WDR4: variants seen among roughly 807,000 people sequenced by gnomAD.
The protein encoded by WDR4 is WDR4 tRNA N7-guanosine methyltransferase non-catalytic subunit.
WDR4 carries 47 observed loss-of-function variants against 48.6 expected under a neutral mutation model. The ratio of observed to expected loss-of-function variants is 0.97; its 90% CI spans 0.77 to 1.23. The LOEUF (loss-of-function observed/expected upper bound fraction) is 1.23. Among genes scored for constraint, WDR4 ranks in the 50% most tolerant of loss-of-function variants. WDR4 has a pLI of 0.00. For synonymous variants in WDR4, 268 were observed against 230.0 expected, an observed-to-expected ratio of 1.17 and a Z score of -1.49; for missense variants, 606 against 551.6, an observed-to-expected ratio of 1.10 and a Z score of -0.99.
Position 42,853,703 on chromosome 21 carries a change from C to A in WDR4, c.841G>T (p.Val281Leu), listed in dbSNP as rs139963742. Residue 281 changes from valine (V) to leucine (L), a missense_variant, in exon 9 of 11, where the codon GTG (valine) becomes TTG (leucine). Transcript: ENST00000398208. Reference sequence around the variant, plus strand: ...TGGAACGCCAGCTGCTGCCTGTACACCAACTGCTGTCTGCGGGCGTCCAGC... The same window carrying A: ...TGGAACGCCAGCTGCTGCCTGTACAACAACTGCTGTCTGCGGGCGTCCAGC... ...FQLDARRQQLVYRQQLAFQHQ... is the reference protein window; with the variant it reads ...FQLDARRQQLLYRQQLAFQHQ... 41 of 1,573,696 alleles carry A rather than the reference C, an allele frequency of 2.6e-5. No homozygotes were observed. In the African/African-American group the frequency reaches 5.1e-4, roughly 20 times the overall value.
At chr21:42,888,413 G>C in the WDR4 span, among the ~76,000 whole-genome samples, 1 of 152,032 alleles carries the variant, frequency 6.6e-6, no homozygotes, top group African/African-American at 2.4e-5. Context: ...ACAAAAATTA[G>C]CCAGGTGTGG....
chr21:42,851,370 G>A (rs1453453812), intron 10 of WDR4, among the ~76,000 whole-genome samples: 2 of 152,224 alleles, frequency 1.3e-5, no homozygotes, highest in Non-Finnish European at 2.9e-5. Flanking sequence ...AAGCCTCAGA[G>A]GCAGAGCCAG....
intron 6 of WDR4, among the ~76,000 whole-genome samples, chr21:42,857,247 C>A (rs1008340055): frequency 3.9e-5 from 6 of 152,226 alleles, no homozygotes; most frequent in African/African-American, 1.4e-4. Flanking sequence ...AGTCACCTAG[C>A]CCCTTCGCAC....
chr21:42,879,274 G>A (rs1480299597), intron 1 of WDR4, 133 bp downstream of exon 1: 5 of 1,396,224 alleles, frequency 3.6e-6, no homozygotes, highest in South Asian at 3.1e-5. Flanking sequence ...CGGAGGACTC[G>A]TGGGCTGGAG....
intron 2 of WDR4, among the ~76,000 whole-genome samples, chr21:42,876,059 A>G (rs71320568): frequency 0.16 from 24,235 of 150,752 alleles, 2,352 homozygotes; most frequent in Non-Finnish European, 0.21. Flanking sequence ...AGCTGGGACT[A>G]CAGGCGCCCA....
At chr21:42,858,792 C>G (rs2058051462) in intron 6 of WDR4, among the ~76,000 whole-genome samples, 1 of 152,150 alleles carries the variant, frequency 6.6e-6, no homozygotes, top group African/African-American at 2.4e-5. Flanking sequence ...ATTTGAAGAG[C>G]AGGAACAGGA....
intron 1 of WDR4, among the ~76,000 whole-genome samples, chr21:42,877,889 T>A (rs959597277): frequency 6.6e-6 from 1 of 151,550 alleles, no homozygotes; most frequent in African/African-American, 2.4e-5. Flanking sequence ...ACTAAAAATA[T>A]AAAAAATTAG....
rs2058499908 is a variant in WDR4 at position 42,876,707 on chromosome 21, A to G, written c.150T>C (p.Asn50=). The change falls in exon 2 of 11, where the codon AAT becomes AAC. Residue 50 remains asparagine, a synonymous_variant. Coordinates refer to ENST00000398208, the MANE Select transcript of WDR4 (RefSeq NM_018669.6). ...CSAAEKKSQE[N]KGEDAPLDQG... ...AAAGCTTCCCCACATCTCACCCTTT[A>G]TTTTCTTGTGACTTCTTTTCTGCAG... is the stretch of plus-strand genomic sequence containing the variant. The G allele has an allele frequency of 1.2e-6, 2 of 1,613,292 alleles. No individual in the cohort carries two copies. Among genetic ancestry groups the G allele is most frequent in the Non-Finnish European group, 1.7e-6 (2 of 1,179,744 alleles).
upstream of WDR4, among the ~76,000 whole-genome samples, chr21:42,883,010 A>G (rs2058618158): frequency 6.6e-6 from 1 of 151,332 alleles, no homozygotes; most frequent in East Asian, 1.9e-4. Flanking sequence ...GAGGCAGGAC[A>G]ACCGCTTGAA....
Position 42,850,183 on chromosome 21 carries a change from T to C in WDR4, c.1105A>G (p.Thr369Ala). Residue 369 changes from threonine to alanine, a missense_variant, in exon 11 of 11, where the codon ACC becomes GCC. By Grantham distance (58) the Thr-to-Ala change is moderately conservative. Coordinates refer to ENST00000398208, the MANE Select transcript of WDR4 (RefSeq NM_018669.6). ...TCCTCTTTCTTCTTCAGGTAGGAGG[T>C]CACGTTGTCGAACGTGGCCTTGTAG... is the stretch of plus-strand genomic sequence containing the variant. ...SLYKATFDNV[T>A]SYLKKKEERL... 1 of 1,613,864 alleles carries C rather than the reference T, an allele frequency of 6.2e-7. No homozygotes were observed. Among genetic ancestry groups the C allele is most frequent in the Non-Finnish European group, 8.5e-7 (1 of 1,179,914 alleles).
chr21:42,875,069 T>A (rs1320763736), intron 2 of WDR4, among the ~76,000 whole-genome samples: 1 of 152,114 alleles, frequency 6.6e-6, no homozygotes, highest in African/African-American at 2.4e-5. Flanking sequence ...TCCCTTTATT[T>A]CTCAAACCGG....
intron 8 of WDR4, 128 bp from the exon 9 acceptor site, chr21:42,853,880 G>C (rs1322594257): frequency 1.9e-6 from 2 of 1,028,948 alleles, no homozygotes; most frequent in South Asian, 1.6e-5. Flanking sequence ...GAAAGCCCCA[G>C]CTGCGCCACT....
the WDR4 span, among the ~76,000 whole-genome samples, chr21:42,886,106 G>A: frequency 6.6e-6 from 1 of 152,054 alleles, no homozygotes; most frequent in Non-Finnish European, 1.5e-5. Context: ...ACAGGCATGT[G>A]CCACCAAGCC....
At chr21:42,888,996 G>A in the WDR4 span, among the ~76,000 whole-genome samples, 1 of 150,878 alleles carries the variant, frequency 6.6e-6, no homozygotes, top group African/African-American at 2.4e-5. Context: ...GAGCCACTAT[G>A]CCCAGCCTCT....
At chr21:42,857,896 G>C (rs560857224) in intron 6 of WDR4, among the ~76,000 whole-genome samples, 1 of 152,252 alleles carries the variant, frequency 6.6e-6, no homozygotes, top group African/African-American at 2.4e-5. Flanking sequence ...TTTGAGACCA[G>C]CCTGGCCAAG....
chr21:42,867,737 T>C (rs1241070172), intron 3 of WDR4, among the ~76,000 whole-genome samples: 1 of 152,002 alleles, frequency 6.6e-6, no homozygotes, highest in African/African-American at 2.4e-5. Context: ...TGCTTTTTTT[T>C]TTCTTTGTAG....
At chr21:42,891,413 A>C in the WDR4 span, among the ~76,000 whole-genome samples, 1 of 151,664 alleles carries the variant, frequency 6.6e-6, no homozygotes, top group African/African-American at 2.4e-5. Flanking sequence ...ACCACGCCAG[A>C]GGAGGTCTTT....
chr21:42,887,442 G>C, the WDR4 span, among the ~76,000 whole-genome samples: 1 of 152,086 alleles, frequency 6.6e-6, no homozygotes, highest in Admixed American at 6.6e-5. Flanking sequence ...TCTGGACCCA[G>C]CCTCTACTTG....
chr21:42,871,445 CA>C (rs1204112969), intron 3 of WDR4, among the ~76,000 whole-genome samples: 10 of 152,356 alleles, frequency 6.6e-5, no homozygotes, highest in Admixed American at 6.5e-4. Flanking sequence ...GGGCTCAGAG[CA>C]GGACACCTCA....
Sources: gnomAD v4.1 joint callset for allele counts (sites outside exome capture counted in the v4.1 genomes callset) on GRCh38, gnomAD v4.1.1 for gene constraint, MANE v1.5 for transcripts, NCBI Gene and HGNC (gene_info 2026-07-23, HGNC 2026-07-21) for gene names.